CAMK1D: variants seen among roughly 807,000 people sequenced by gnomAD.
The protein encoded by CAMK1D is calcium/calmodulin dependent protein kinase ID.
In CAMK1D, 9 loss-of-function variants were observed where a neutral mutation model predicts 47.7. That is an observed-to-expected ratio of 0.19 (90% CI 0.11 to 0.33). The LOEUF is 0.33. CAMK1D is among the 10% of genes least tolerant of loss of function. The pLI is 1.00. For missense variants in CAMK1D, 291 were observed against 488.7 expected, an observed-to-expected ratio of 0.60 and a Z score of 3.81; for synonymous variants, 184 against 184.9, an observed-to-expected ratio of 0.99 and a Z score of 0.04.
At chr10:12,681,457 G>A (rs893037607) in intron 3 of CAMK1D, among the ~76,000 whole-genome samples, 2 of 152,248 alleles carry the variant, frequency 1.3e-5, no homozygotes, top group Admixed American at 6.5e-5. Context: ...TGCAGCCTCC[G>A]CTCCTGCAGC....
At chr10:12,399,682 G>A (rs375458416) in intron 1 of CAMK1D, among the ~76,000 whole-genome samples, 2 of 152,082 alleles carry the variant, frequency 1.3e-5, no homozygotes, top group South Asian at 2.1e-4. Context: ...CAGTTTTTGT[G>A]GATTCTGTAT....
chr10:12,628,220 G>A (rs1333032887), intron 2 of CAMK1D, among the ~76,000 whole-genome samples: 7 of 152,088 alleles, frequency 4.6e-5, no homozygotes, highest in African/African-American at 1.7e-4. Context: ...AAATATCTAC[G>A]AATGGAATTG....
At chr10:12,709,749 T>G (rs956399057) in intron 3 of CAMK1D, among the ~76,000 whole-genome samples, 2 of 152,214 alleles carry the variant, frequency 1.3e-5, no homozygotes, top group African/African-American at 4.8e-5. Flanking sequence ...GGGAAAACAT[T>G]CAAATTTATG....
At chr10:12,678,806 TCA>T (rs1840895591) in intron 3 of CAMK1D, among the ~76,000 whole-genome samples, 1 of 152,124 alleles carries the variant, frequency 6.6e-6, no homozygotes, top group Admixed American at 6.5e-5. Context: ...AGACAGAGTC[TCA>T]CACTGTCACC....
intron 2 of CAMK1D, among the ~76,000 whole-genome samples, chr10:12,595,896 C>T (rs1051536296): frequency 1.3e-5 from 2 of 152,168 alleles, no homozygotes; most frequent in African/African-American, 4.8e-5. Context: ...TGCATCTCAT[C>T]GCTTCCTACT....
chr10:12,505,250 C>G (rs929401651), intron 1 of CAMK1D, among the ~76,000 whole-genome samples: 8 of 152,206 alleles, frequency 5.3e-5, no homozygotes, highest in African/African-American at 1.9e-4. Flanking sequence ...GTGTTAAGAA[C>G]AGATGGCTCC....
At chr10:12,659,168 A>G (rs1176910528) in intron 2 of CAMK1D, among the ~76,000 whole-genome samples, 2 of 152,240 alleles carry the variant, frequency 1.3e-5, no homozygotes, top group East Asian at 3.8e-4. Context: ...CACACCCTGC[A>G]AGTGGGATAA....
chr10:12,646,101 C>T (rs1187303826), intron 2 of CAMK1D, among the ~76,000 whole-genome samples: 1 of 151,826 alleles, frequency 6.6e-6, no homozygotes, highest in Non-Finnish European at 1.5e-5. Flanking sequence ...CCTTTTTATG[C>T]AGAAGCTGGA....
At chr10:12,679,566 A>G (rs1265009067) in intron 3 of CAMK1D, among the ~76,000 whole-genome samples, 1 of 152,176 alleles carries the variant, frequency 6.6e-6, no homozygotes, top group African/African-American at 2.4e-5. Context: ...CTTGAGTTGC[A>G]TTTCTGTTTG....
At chr10:12,548,754 C>G (rs568381114) in intron 1 of CAMK1D, among the ~76,000 whole-genome samples, 2 of 152,164 alleles carry the variant, frequency 1.3e-5, no homozygotes, top group East Asian at 3.9e-4. Context: ...CATGAGCCAC[C>G]GCGCCCGGCC....
intron 3 of CAMK1D, among the ~76,000 whole-genome samples, chr10:12,736,816 G>A (rs1564526283): frequency 1.3e-5 from 2 of 152,182 alleles, no homozygotes; most frequent in African/African-American, 2.4e-5. Context: ...AGAAACCCAC[G>A]AGGAACTGGC....
At chr10:12,483,424 C>G (rs898171708) in intron 1 of CAMK1D, among the ~76,000 whole-genome samples, 2 of 152,072 alleles carry the variant, frequency 1.3e-5, no homozygotes. Flanking sequence ...TGTTCTTGAC[C>G]TCCTGGGCTC....
intron 1 of CAMK1D, among the ~76,000 whole-genome samples, chr10:12,547,205 G>T (rs1339287764): frequency 6.6e-6 from 1 of 152,188 alleles, no homozygotes; most frequent in Non-Finnish European, 1.5e-5. Flanking sequence ...AGAACTTTAG[G>T]AAGGAGGTCA....
At chr10:12,815,457 A>G (rs1832755551) in intron 7 of CAMK1D, among the ~76,000 whole-genome samples, 1 of 152,182 alleles carries the variant, frequency 6.6e-6, no homozygotes, top group Non-Finnish European at 1.5e-5. Flanking sequence ...GCATTTGGAA[A>G]CCTGGGCCTG....
At chr10:12,494,212 T>C (rs1018700081) in intron 1 of CAMK1D, among the ~76,000 whole-genome samples, 1 of 152,276 alleles carries the variant, frequency 6.6e-6, no homozygotes, top group East Asian at 1.9e-4. Flanking sequence ...TTATAGTCCA[T>C]CAGAGGAAGA....
At chr10:12,391,120 C>T (rs1398549503) in intron 1 of CAMK1D, among the ~76,000 whole-genome samples, 2 of 152,100 alleles carry the variant, frequency 1.3e-5, no homozygotes, top group African/African-American at 4.8e-5. Flanking sequence ...GTTGGTATCT[C>T]AGTCTTTTGG....
intron 1 of CAMK1D, among the ~76,000 whole-genome samples, chr10:12,470,620 G>A (rs1319838798): frequency 1.3e-5 from 2 of 151,866 alleles, no homozygotes; most frequent in Non-Finnish European, 2.9e-5. Context: ...GGGTTCAAGC[G>A]AGTCTGCTGC....
At chr10:12,576,396 C>T (rs994733501) in intron 2 of CAMK1D, among the ~76,000 whole-genome samples, 6 of 151,922 alleles carry the variant, frequency 3.9e-5, no homozygotes, top group Non-Finnish European at 8.8e-5. Flanking sequence ...TTCCACTGAC[C>T]GGAGGAGGGG....
At chr10:12,777,038 A>T (rs2399890) in intron 5 of CAMK1D, among the ~76,000 whole-genome samples, 1 of 152,028 alleles carries the variant, frequency 6.6e-6, no homozygotes, top group Non-Finnish European at 1.5e-5. Context: ...AAATTTGCAG[A>T]TAGAGAATCC....
Sources: allele counts gnomAD v4.1 joint callset (sites outside exome capture counted in the v4.1 genomes callset), GRCh38; gene constraint gnomAD v4.1.1; transcripts MANE v1.5; gene names NCBI Gene and HGNC (gene_info 2026-07-23, HGNC 2026-07-21).